The following PKIG variants were observed in gnomAD, a reference collection of about 807,000 sequenced individuals.
PKIG encodes cAMP-dependent protein kinase inhibitor gamma.
PKIG carries 1 observed loss-of-function variant against 6.8 expected under a neutral mutation model. The ratio of observed to expected loss-of-function variants is 0.15; its 90% CI spans 0.05 to 0.69. The LOEUF is 0.69. Ranked by LOEUF, PKIG falls within the 30% of genes least tolerant of loss-of-function variation. PKIG has a pLI of 0.82. For synonymous variants in PKIG, 39 were observed against 43.0 expected (o/e 0.91, Z 0.36); for missense variants, 77 against 104.0 (o/e 0.74, Z 1.13).
rs1008341373 is a variant in PKIG at position 44,584,399 on chromosome 20, G to A, written c.-94+1668G>A. ...TTGGCAAGAAAGAGGGAGAAGAAGG[G>A]GGAAAATCCCTCTATTTGCCCCTCT... On this transcript the variant is annotated intron_variant, in intron 1 of 3. Transcript: ENST00000372886. Among the ~76,000 whole-genome samples, 30 of 151,534 alleles carry A rather than the reference G, an allele frequency of 2.0e-4. 1 individual carries two copies. Among genetic ancestry groups the A allele is most frequent in the African/African-American group, 7.0e-4 (29 of 41,188 alleles).
chr20:44,562,854 T>C (rs976852676), intron 1 of PKIG, among the ~76,000 whole-genome samples: 1 of 152,048 alleles, frequency 6.6e-6, no homozygotes, highest in Non-Finnish European at 1.5e-5. Flanking sequence ...AGGTCAGAAG[T>C]TCGAGACCAG....
intron 1 of PKIG, among the ~76,000 whole-genome samples, chr20:44,545,123 A>G (rs1231040766): frequency 6.6e-6 from 1 of 151,068 alleles, no homozygotes; most frequent in Non-Finnish European, 1.5e-5. Flanking sequence ...TTTAGTAGAG[A>G]CAGGGTTTTG....
At chr20:44,586,052 C>A (rs1379428457) in intron 1 of PKIG, among the ~76,000 whole-genome samples, 1 of 151,880 alleles carries the variant, frequency 6.6e-6, no homozygotes, top group Non-Finnish European at 1.5e-5. Flanking sequence ...TGAGAGCTCT[C>A]GAGTTCAGTG....
At chr20:44,608,979 TAC>T in intron 2 of PKIG, among the ~76,000 whole-genome samples, 1 of 152,356 alleles carries the variant, frequency 6.6e-6, no homozygotes, top group Middle Eastern at 3.4e-3. Flanking sequence ...CTTGGAAGTT[TAC>T]AGTCTCATTA....
At chr20:44,564,957 A>C (rs1356325397) in intron 1 of PKIG, among the ~76,000 whole-genome samples, 1 of 152,228 alleles carries the variant, frequency 6.6e-6, no homozygotes, top group Non-Finnish European at 1.5e-5. Context: ...ACAACCAGTA[A>C]AAATCATTAA....
chr20:44,543,730 T>G (rs1036436151), intron 1 of PKIG, among the ~76,000 whole-genome samples: 1 of 152,068 alleles, frequency 6.6e-6, no homozygotes, highest in Non-Finnish European at 1.5e-5. Context: ...GGCCCCAGAT[T>G]TATGTATGGC....
chr20:44,532,553 T>C (rs1335222584), intron 1 of PKIG, among the ~76,000 whole-genome samples: 3 of 152,174 alleles, frequency 2.0e-5, no homozygotes, highest in Non-Finnish European at 2.9e-5. Context: ...AGAGACATCG[T>C]GTCCTGAGGG....
chr20:44,539,860 CT>C (rs905128529), intron 1 of PKIG, among the ~76,000 whole-genome samples: 8 of 152,300 alleles, frequency 5.3e-5, no homozygotes, highest in South Asian at 2.1e-4. Flanking sequence ...TTCTCCTCTT[CT>C]TTTTTCCCCC....
At chr20:44,575,425 GC>G (rs1181312210) in intron 1 of PKIG, among the ~76,000 whole-genome samples, 3 of 152,112 alleles carry the variant, frequency 2.0e-5, no homozygotes. Flanking sequence ...TGCCATGTTG[GC>G]CAGGCTGGTC....
At chr20:44,533,043 C>T (rs1044675053) in intron 1 of PKIG, among the ~76,000 whole-genome samples, 3 of 152,038 alleles carry the variant, frequency 2.0e-5, no homozygotes, top group African/African-American at 4.8e-5. Flanking sequence ...GGTTTTAAGC[C>T]GGAGGTGTGT....
At chr20:44,544,078 A>G (rs2064588380) in intron 1 of PKIG, among the ~76,000 whole-genome samples, 1 of 152,020 alleles carries the variant, frequency 6.6e-6, no homozygotes, top group Admixed American at 6.6e-5. Flanking sequence ...AAAAAAAAAA[A>G]AAAAGATTGT....
intron 2 of PKIG, among the ~76,000 whole-genome samples, chr20:44,613,878 A>T (rs925778479): frequency 6.6e-6 from 1 of 152,192 alleles, no homozygotes; most frequent in Non-Finnish European, 1.5e-5. Context: ...CTACCTCAGC[A>T]GTGTCCTTGG....
intron 2 of PKIG, among the ~76,000 whole-genome samples, chr20:44,611,438 T>C (rs2065218102): frequency 6.6e-6 from 1 of 152,134 alleles, no homozygotes; most frequent in African/African-American, 2.4e-5. Flanking sequence ...TATGTACCCG[T>C]TGACCAGCTT....
chr20:44,571,898 A>G (rs1600861881), intron 1 of PKIG, among the ~76,000 whole-genome samples: 1 of 152,254 alleles, frequency 6.6e-6, no homozygotes, highest in South Asian at 2.1e-4. Flanking sequence ...TGTAACGTGT[A>G]TATGATTACA....
chr20:44,578,353 AG>A (rs2064918182), upstream of PKIG, among the ~76,000 whole-genome samples: 1 of 150,500 alleles, frequency 6.6e-6, no homozygotes, highest in African/African-American at 2.4e-5. Flanking sequence ...AAAAAATGCA[AG>A]GGACTACATG....
intron 3 of PKIG, among the ~76,000 whole-genome samples, chr20:44,617,164 C>G (rs530939987): frequency 1.1e-4 from 17 of 152,282 alleles, no homozygotes; most frequent in African/African-American, 3.4e-4. Context: ...TCTGCAGACC[C>G]TGGAGCTTGC....
At chr20:44,558,735 C>CTTCCTTCCT (rs1191752959) in intron 1 of PKIG, among the ~76,000 whole-genome samples, 1 of 144,606 alleles carries the variant, frequency 6.9e-6, no homozygotes, top group African/African-American at 2.6e-5. Flanking sequence ...CCTTCCTTCC[C>CTTCCTTCCT]TTCCTTCCTT....
chr20:44,557,680 C>T (rs1201600751), intron 1 of PKIG, among the ~76,000 whole-genome samples: 1 of 150,354 alleles, frequency 6.7e-6, no homozygotes, highest in African/African-American at 2.5e-5. Context: ...AAAAATTAGC[C>T]AGCCGTGGTG....
chr20:44,573,929 A>C (rs2123303526), intron 1 of PKIG, among the ~76,000 whole-genome samples: 1 of 152,352 alleles, frequency 6.6e-6, no homozygotes, highest in Non-Finnish European at 1.5e-5. Context: ...GTAGCAACTG[A>C]TAATAATAGC....
Sources: allele counts gnomAD v4.1 joint callset (sites outside exome capture counted in the v4.1 genomes callset), GRCh38; gene constraint gnomAD v4.1.1; transcripts MANE v1.5; gene names NCBI Gene and HGNC (gene_info 2026-07-23, HGNC 2026-07-21).